The following ARHGEF7 variants were observed in gnomAD, a reference collection of about 807,000 sequenced individuals.
ARHGEF7 encodes PAK-interacting exchange factor beta.
Under a neutral mutation model 109.8 loss-of-function variants are expected in ARHGEF7, and 33 were observed. The observed-to-expected ratio is 0.30, with a 90% CI of 0.23 to 0.40. The LOEUF is 0.40. Ranked by LOEUF, ARHGEF7 falls within the 10% of genes least tolerant of loss-of-function variation. ARHGEF7 has a pLI of 1.00. For synonymous variants in ARHGEF7, 458 were observed against 424.6 expected, an observed-to-expected ratio of 1.08 and a Z score of -0.97; for missense variants, 938 against 1,098.5, an observed-to-expected ratio of 0.85 and a Z score of 2.07.
At chr13:111,297,370 A>G (rs894779654) in intron 19 of ARHGEF7, among the ~76,000 whole-genome samples, 1 of 152,126 alleles carries the variant, frequency 6.6e-6, no homozygotes, top group Non-Finnish European at 1.5e-5. Flanking sequence ...GTGATACAAC[A>G]TTTTCCACCT....
intron 8 of ARHGEF7, among the ~76,000 whole-genome samples, chr13:111,251,692 A>G (rs1332678160): frequency 6.6e-6 from 1 of 152,220 alleles, no homozygotes; most frequent in African/African-American, 2.4e-5. Flanking sequence ...TAGGCATTGT[A>G]GTTAGTGCTT....
At chr13:111,133,278 A>G (rs1044106951) in intron 1 of ARHGEF7, among the ~76,000 whole-genome samples, 7 of 152,040 alleles carry the variant, frequency 4.6e-5, no homozygotes, top group African/African-American at 1.7e-4. Context: ...ACACACCTCT[A>G]TATGCACGTA....
In ARHGEF7 at chr13:111,244,222, A is replaced by G; in HGVS notation, c.878A>G (p.Tyr293Cys). 4 of 1,608,900 alleles carry G rather than the reference A, an allele frequency of 2.5e-6. No individual in the cohort carries two copies. Among genetic ancestry groups the G allele is most frequent in the South Asian group, 2.2e-5 (2 of 89,840 alleles). ...SEKLSSANIS[Y>C]LMGNLEEICS... ...AGGTTAAGTTCAGCAAACATTTCAT[A>G]TTTAATGGGAAATCTAGAAGAAATA... The change falls in exon 8 of 22, where the codon TAT becomes TGT. Residue 293 changes from tyrosine (Y) to cysteine (C), a missense_variant. Around this residue, in one of 4 missense-constraint regions of ARHGEF7, gnomAD observed 585 missense variants for 723.6 expected, o/e 0.81. Coordinates refer to ENST00000646102, the MANE Select transcript of ARHGEF7 (RefSeq NM_001354046.2).
At chr13:111,294,903 A>G (rs1388226578) in intron 19 of ARHGEF7, 3 of 985,742 alleles carry the variant, frequency 3.0e-6, no homozygotes, top group Admixed American at 6.1e-5. Context: ...GTATATAATA[A>G]GCTATATTAA....
intron 19 of ARHGEF7, among the ~76,000 whole-genome samples, chr13:111,295,589 A>G (rs897955985): frequency 2.7e-5 from 4 of 150,762 alleles, no homozygotes; most frequent in African/African-American, 1.0e-4. Flanking sequence ...AGAGTAATGA[A>G]GCAAAATAAA....
intron 5 of ARHGEF7, among the ~76,000 whole-genome samples, chr13:111,221,415 G>A (rs368082269): frequency 0.2 from 354 of 1,780 alleles, 133 homozygotes; most frequent in East Asian, 0.31. Flanking sequence ...ATATATAGAT[G>A]TCTATATATC....
chr13:111,296,390 C>T lies in ARHGEF7; in HGVS notation c.2311+4096C>T, dbSNP rs571475416. On this transcript the variant is annotated intron_variant, in intron 19 of 21. Coordinates refer to ENST00000646102, the MANE Select transcript of ARHGEF7 (RefSeq NM_001354046.2). ...CCTGGTGCCCCCTGGGGTCTCCAGTCGTGTGGCACACAGCAGCCCCTGAGA... is the reference window on the plus strand; with the variant it reads ...CCTGGTGCCCCCTGGGGTCTCCAGTTGTGTGGCACACAGCAGCCCCTGAGA... 2.6e-5 allele frequency among the ~76,000 whole-genome samples: 4 copies of T among 152,242 alleles called. No individual in the cohort carries two copies. In the South Asian group the frequency reaches 8.3e-4, roughly 32 times the overall value.
chr13:111,170,802 A>G (rs543632431), intron 2 of ARHGEF7, among the ~76,000 whole-genome samples: 1 of 152,334 alleles, frequency 6.6e-6, no homozygotes, highest in Admixed American at 6.5e-5. Flanking sequence ...TTTGAGGTAA[A>G]AATGGGAGAC....
intron 2 of ARHGEF7, among the ~76,000 whole-genome samples, chr13:111,197,863 G>T (rs2080725172): frequency 6.6e-6 from 1 of 152,050 alleles, no homozygotes; most frequent in Non-Finnish European, 1.5e-5. Context: ...TTAGAAGCAG[G>T]ACTAGCCTCA....
At chr13:111,235,036 G>A (rs1034804744) in intron 6 of ARHGEF7, among the ~76,000 whole-genome samples, 4 of 152,182 alleles carry the variant, frequency 2.6e-5, no homozygotes, top group African/African-American at 9.7e-5. Flanking sequence ...GAAAACTTGA[G>A]TTTTAACTCC....
At chr13:111,215,879 A>C (rs2083068925) in intron 4 of ARHGEF7, among the ~76,000 whole-genome samples, 1 of 151,974 alleles carries the variant, frequency 6.6e-6, no homozygotes, top group African/African-American at 2.4e-5. Context: ...GACTGTGTAG[A>C]TCTCCTCTGC....
chr13:111,301,556 T>A (rs3742181), intron 21 of ARHGEF7, 24 bp downstream of exon 21: 1 of 1,573,866 alleles, frequency 6.4e-7, no homozygotes, highest in East Asian at 2.2e-5. Flanking sequence ...CATCTTTAAA[T>A]CTTTTTTTTC....
intron 1 of ARHGEF7, among the ~76,000 whole-genome samples, chr13:111,152,381 G>C (rs985192227): frequency 2.0e-5 from 3 of 152,194 alleles, no homozygotes; most frequent in African/African-American, 7.2e-5. Flanking sequence ...CTAGATATGT[G>C]ATAATTTTTG....
At chr13:111,199,906 GC>G (rs753892825) in intron 2 of ARHGEF7, among the ~76,000 whole-genome samples, 5 of 152,142 alleles carry the variant, frequency 3.3e-5, no homozygotes, top group Non-Finnish European at 5.9e-5. Context: ...ACAGATGGTG[GC>G]CTTAGGTCCA....
chr13:111,166,770 C>T (rs1249213203), intron 2 of ARHGEF7, among the ~76,000 whole-genome samples: 4 of 152,202 alleles, frequency 2.6e-5, no homozygotes, highest in Admixed American at 2.6e-4. Flanking sequence ...TGAGATGCCT[C>T]AGTGAAGATC....
Position 111,273,991 on chromosome 13 carries a change from AGGGTTAGT to A in ARHGEF7, c.1212+42_1212+49del. The A allele has an allele frequency of 6.2e-7, 1 of 1,607,270 alleles. No homozygotes were observed. Among genetic ancestry groups the A allele is most frequent in the Non-Finnish European group, 8.5e-7 (1 of 1,174,338 alleles). ...ATTCTCTTACTTGGAGTCCTTACCA[AGGGTTAGT>A]GGCATGGTCAGACTTACTGTGAAAG... On this transcript the variant is annotated intron_variant, in intron 10 of 21. Coordinates refer to ENST00000646102, the MANE Select transcript of ARHGEF7 (RefSeq NM_001354046.2). The surrounding 1 kb of genome is among the most constrained non-coding windows in gnomAD (Gnocchi z 4.5).
chr13:111,156,458 G>C (rs2076344687), intron 2 of ARHGEF7, among the ~76,000 whole-genome samples: 1 of 152,230 alleles, frequency 6.6e-6, no homozygotes, highest in Admixed American at 6.5e-5. Context: ...AGTCACACTT[G>C]TAATTACCTA....
chr13:111,139,402 C>G (rs1206760033), intron 1 of ARHGEF7, among the ~76,000 whole-genome samples: 3 of 152,238 alleles, frequency 2.0e-5, no homozygotes, highest in African/African-American at 7.2e-5. Flanking sequence ...TCCTCTACCT[C>G]TCTGTCTCTC....
In ARHGEF7 at chr13:111,243,976, A is replaced by G. The variant is rs1194403316; in HGVS notation, c.854+10A>G. 2 of 1,592,112 alleles carry G rather than the reference A, an allele frequency of 1.3e-6. No homozygotes were observed. Among genetic ancestry groups the G allele is most frequent in the East Asian group, 4.5e-5 (2 of 44,718 alleles). On this transcript the variant is annotated intron_variant, in intron 7 of 21. Transcript: ENST00000646102. ...TGCAGACCAGTGAGAAGTAAGTTAGATGATAAATTGCATTAACTGTAAAAT... is the reference window on the plus strand; with the variant it reads ...TGCAGACCAGTGAGAAGTAAGTTAGGTGATAAATTGCATTAACTGTAAAAT...
Sources: gnomAD v4.1 joint callset for allele counts (sites outside exome capture counted in the v4.1 genomes callset) on GRCh38, gnomAD v4.1.1 for gene constraint, gnomAD v4.1.1 regional missense constraint, Gnocchi (gnomAD v3.1) non-coding constraint, MANE v1.5 for transcripts, NCBI Gene and HGNC (gene_info 2026-07-23, HGNC 2026-07-21) for gene names.